The following LSM5 variants were observed in gnomAD, a reference collection of about 807,000 sequenced individuals.
The protein encoded by LSM5 is LSM5 homolog, U6 small nuclear RNA and mRNA degradation associated, also known as U6 snRNA-associated Sm-like protein LSm5.
LSM5 carries 8 observed loss-of-function variants against 13.8 expected under a neutral mutation model. The observed-to-expected ratio is 0.58, with a 90% CI of 0.34 to 1.04. The LOEUF (loss-of-function observed/expected upper bound fraction) is 1.04, where lower values mean the gene tolerates loss of function less well. LSM5 is among the 50% of genes least tolerant of loss of function. The pLI is 0.03. For missense variants in LSM5, 80 were observed against 108.1 expected (o/e 0.74, Z 1.15); for synonymous variants, 35 against 37.0 (o/e 0.95, Z 0.20).
At position 32,487,127 on chromosome 7, in the gene LSM5, A is replaced by G. The variant is rs914733091; in HGVS notation, c.*134T>C. Reference sequence around the variant, plus strand: ...ATGATTAACTTACAAAAATGGGTACACATCTTCAAAGCACTTCCCTTTAAC... The same window carrying G: ...ATGATTAACTTACAAAAATGGGTACGCATCTTCAAAGCACTTCCCTTTAAC... On this transcript the variant is annotated 3_prime_UTR_variant, in exon 5 of 5. Coordinates refer to ENST00000450169, the MANE Select transcript of LSM5 (RefSeq NM_012322.3). The G allele has an allele frequency of 5.5e-6, 4 of 724,720 alleles. No homozygotes were observed. Among genetic ancestry groups the G allele is most frequent in the Non-Finnish European group, 7.2e-6 (3 of 416,684 alleles). The allele number at this position is 724,720 out of a possible 1,614,324, so 44.9% of individuals were successfully genotyped here.
intron 1 of LSM5, chr7:32,490,030 A>T: frequency 7.2e-7 from 1 of 1,395,206 alleles, no homozygotes; most frequent in East Asian, 3.2e-5. Context: ...ACTACCTATA[A>T]CACTGCAGAG....
intron 1 of LSM5, 42 bp downstream of exon 1, chr7:32,490,278 A>G (rs1786548493): frequency 6.2e-7 from 1 of 1,614,118 alleles, no homozygotes; most frequent in Non-Finnish European, 8.5e-7. Flanking sequence ...CCAATCCTGA[A>G]TGTCAGCTCC....
rs1359869118 is a variant in LSM5 at position 32,485,627 on chromosome 7, G to C, written c.*1634C>G. 1.3e-5 allele frequency: 2 copies of C among 152,146 alleles called. No individual in the cohort carries two copies. The highest frequency in any genetic ancestry group is 2.9e-5 in the Non-Finnish European group (2 of 68,028). The allele number at this position is 152,146 out of a possible 1,614,324, so 9.4% of individuals were successfully genotyped here. On this transcript the variant is annotated 3_prime_UTR_variant, in exon 5 of 5. Transcript: ENST00000450169. ...TACAAATGAGATCAAAATTAATCAA[G>C]AAAATTTTAGGCCAGGCCTGGTGGC...
upstream of LSM5, among the ~76,000 whole-genome samples, chr7:32,494,224 A>T (rs1786672161): frequency 6.6e-6 from 1 of 152,228 alleles, no homozygotes; most frequent in Non-Finnish European, 1.5e-5. Context: ...TATCAAGAAA[A>T]TATTAATAGT....
chr7:32,490,353 C>A lies in LSM5; in HGVS notation c.13G>T (p.Ala5Ser). MAAN[A>S]TTNPSQLLPL... ...AGCAGCTGCGACGGGTTGGTAGTAG[C>A]GTTAGCCGCCATGGCTACGCCGGAA... is the stretch of plus-strand genomic sequence containing the variant. The change falls in exon 1 of 5, where the codon GCT becomes TCT. Residue 5 changes from alanine to serine, a missense_variant. By Grantham distance (99) the Ala-to-Ser change is moderately conservative. Transcript: ENST00000450169. The A allele has an allele frequency of 6.2e-7, 1 of 1,614,102 alleles. No individual in the cohort carries two copies. Among genetic ancestry groups the A allele is most frequent in the Non-Finnish European group, 8.5e-7 (1 of 1,179,942 alleles).
In LSM5 at chr7:32,487,674, A is replaced by G. The variant is rs773998592; in HGVS notation, c.243+11T>C. The G allele has an allele frequency of 3.6e-6, 5 of 1,382,732 alleles. No homozygotes were observed. Among genetic ancestry groups the G allele is most frequent in the Middle Eastern group, 3.6e-4 (2 of 5,614 alleles). 85.7% of individuals were successfully genotyped at this position (1,382,732 alleles called of 1,614,324 possible). On this transcript the variant is annotated intron_variant, in intron 4 of 4. Coordinates refer to ENST00000450169, the MANE Select transcript of LSM5 (RefSeq NM_012322.3). ...CTCCCATCAAAATAAAACAGTTTCAATGTGTCTTACCATTGTTATATTATT... is the reference window on the plus strand; with the variant it reads ...CTCCCATCAAAATAAAACAGTTTCAGTGTGTCTTACCATTGTTATATTATT...
intron 1 of LSM5, chr7:32,489,950 TAACC>T (rs1331684403): frequency 2.8e-6 from 3 of 1,065,872 alleles, no homozygotes; most frequent in Non-Finnish European, 3.7e-6. Flanking sequence ...TTAGTGTCAC[TAACC>T]AACCACATAC....
upstream of LSM5, among the ~76,000 whole-genome samples, chr7:32,492,538 A>C (rs960719960): frequency 2.6e-5 from 4 of 152,292 alleles, no homozygotes; most frequent in African/African-American, 7.2e-5. Flanking sequence ...AACAACAAAA[A>C]AAAAACAGAA....
In LSM5 at chr7:32,487,099, A is replaced by G; in HGVS notation, c.*162T>C. 3.0e-6 allele frequency: 2 copies of G among 658,604 alleles called. No individual in the cohort carries two copies. The highest frequency in any genetic ancestry group is 1.8e-5 in the South Asian group (1 of 56,994). 40.8% of individuals were successfully genotyped at this position (658,604 alleles called of 1,614,324 possible). ...GCTCTTTTCTTCTTTTTCCAGGATA[A>G]TCATGATTAACTTACAAAAATGGGT... On this transcript the variant is annotated 3_prime_UTR_variant, in exon 5 of 5. Transcript: ENST00000450169.
Position 32,490,305 on chromosome 7 carries a change from A to G in LSM5, c.46+15T>C, listed in dbSNP as rs750329318. On this transcript the variant is annotated intron_variant, in intron 1 of 4. Coordinates refer to ENST00000450169, the MANE Select transcript of LSM5 (RefSeq NM_012322.3). ...GTCAGCTCCCTGTTCCTGCTCCCCA[A>G]AGGACGGCGATTACCTAAGGGCAGC... is the stretch of plus-strand genomic sequence containing the variant. 2 of 1,614,132 alleles carry G rather than the reference A, an allele frequency of 1.2e-6. No homozygotes were observed. Among genetic ancestry groups the G allele is most frequent in the East Asian group, 2.2e-5 (1 of 44,878 alleles).
At chr7:32,493,772 C>T (rs560473444), upstream of LSM5, among the ~76,000 whole-genome samples, 18 of 152,054 alleles carry the variant, frequency 1.2e-4, no homozygotes, top group Non-Finnish European at 2.2e-4. Context: ...AACTTTTGGC[C>T]TCAAGTGATC....
chr7:32,489,396 G>T, intron 1 of LSM5, 52 bp from the exon 2 acceptor site: 1 of 1,015,542 alleles, frequency 9.8e-7, no homozygotes. Flanking sequence ...ACAAATATTT[G>T]AGTGCCTACT....
rs1327916069 is a variant in LSM5 at position 32,487,030 on chromosome 7, G to A, written c.*231C>T. On this transcript the variant is annotated 3_prime_UTR_variant, in exon 5 of 5. Coordinates refer to ENST00000450169, the MANE Select transcript of LSM5 (RefSeq NM_012322.3). Reference sequence around the variant, plus strand: ...GCTACTGCAGTAGAATAAACAAAATGACAGTTAACCAAAAACACCTTTATT... The same window carrying A: ...GCTACTGCAGTAGAATAAACAAAATAACAGTTAACCAAAAACACCTTTATT... The A allele has an allele frequency of 1.8e-6, 1 of 559,010 alleles. No homozygotes were observed. Among genetic ancestry groups the A allele is most frequent in the East Asian group, 3.1e-5 (1 of 32,396 alleles). The allele number at this position is 559,010 out of a possible 1,614,324, so 34.6% of individuals were successfully genotyped here. A position where few individuals can be genotyped will look rare whatever the true frequency, so the allele number is the denominator to read the frequency against.
At position 32,490,367 on chromosome 7, in the gene LSM5, G is replaced by A. The variant is rs1786554430; in HGVS notation, c.-2C>T. 1 of 1,612,528 alleles carries A rather than the reference G, an allele frequency of 6.2e-7. No individual in the cohort carries two copies. The highest frequency in any genetic ancestry group is 8.5e-7 in the Non-Finnish European group (1 of 1,178,568). On this transcript the variant is annotated 5_prime_UTR_variant, in exon 1 of 5. Coordinates refer to ENST00000450169, the MANE Select transcript of LSM5 (RefSeq NM_012322.3). Reference sequence around the variant, plus strand: ...GTTGGTAGTAGCGTTAGCCGCCATGGCTACGCCGGAAGTGGCCTGCCTTCA... The same window carrying A: ...GTTGGTAGTAGCGTTAGCCGCCATGACTACGCCGGAAGTGGCCTGCCTTCA...
upstream of LSM5, among the ~76,000 whole-genome samples, chr7:32,493,917 TC>T (rs1033385491): frequency 2.0e-5 from 3 of 151,228 alleles, no homozygotes; most frequent in African/African-American, 7.3e-5. Context: ...GATGGTGCAA[TC>T]TTGGCTCACT....
upstream of LSM5, among the ~76,000 whole-genome samples, chr7:32,493,273 T>G (rs754024094): frequency 1.3e-5 from 2 of 152,196 alleles, no homozygotes; most frequent in African/African-American, 4.8e-5. Flanking sequence ...CTACCAAGTC[T>G]GGCTATTTAT....
chr7:32,487,824 T>C (rs968737370), intron 3 of LSM5, 67 bp from the exon 4 acceptor site: 33 of 811,458 alleles, frequency 4.1e-5, no homozygotes, highest in Non-Finnish European at 6.7e-5. Context: ...TTGGAAATAC[T>C]TACCCTCCCT....
intron 1 of LSM5, chr7:32,489,972 G>T: frequency 8.4e-7 from 1 of 1,191,524 alleles, no homozygotes; most frequent in Non-Finnish European, 1.1e-6. Context: ...TACATAACAT[G>T]GTCTATCTAA....
upstream of LSM5, chr7:32,490,849 T>C (rs1344641472): frequency 5.7e-6 from 1 of 174,394 alleles, no homozygotes; most frequent in Non-Finnish European, 1.4e-5. Flanking sequence ...AATTTTTCTT[T>C]AGTGAGGATT....
Sources: allele counts gnomAD v4.1 joint callset (sites outside exome capture counted in the v4.1 genomes callset), GRCh38; gene constraint gnomAD v4.1.1; transcripts MANE v1.5; gene names NCBI Gene and HGNC (gene_info 2026-07-23, HGNC 2026-07-21).